MRPS21: variants seen among roughly 807,000 people sequenced by gnomAD.
MRPS21 encodes the protein mitochondrial ribosomal protein S21.
MRPS21 carries 8 observed loss-of-function variants against 9.9 expected under a neutral mutation model. The observed-to-expected ratio is 0.81, with a 90% confidence interval of 0.47 to 1.45. The LOEUF is 1.45. Among genes scored for constraint, MRPS21 ranks in the 40% most tolerant of loss-of-function variants. The pLI, the probability that MRPS21 is intolerant of heterozygous loss-of-function variation, is 0.00. For missense variants in MRPS21, 101 were observed against 118.9 expected (o/e 0.85, Z 0.70); for synonymous variants, 40 against 40.3 (o/e 0.99, Z 0.03).
intron 2 of MRPS21, among the ~76,000 whole-genome samples, chr1:150,295,672 C>CA (rs1491108910): frequency 3.3e-5 from 5 of 152,176 alleles, no homozygotes; most frequent in African/African-American, 1.2e-4. Context: ...TGGGATGACT[C>CA]ACACCTGTAA....
In MRPS21 at chr1:150,308,093, G is replaced by A. The variant is rs782133441; in HGVS notation, c.129G>A (p.Arg43=). The change falls in exon 3 of 3, where the codon CGG becomes CGA. Residue 43 remains arginine, a synonymous_variant. Transcript: ENST00000614145. Reference sequence around the variant, plus strand: ...TCATTGAGGACATTAAGCATCGGCGGTATTATGAGAAGCCATGCTGCCGGC... The same window carrying A: ...TCATTGAGGACATTAAGCATCGGCGATATTATGAGAAGCCATGCTGCCGGC... ...DGLIEDIKHR[R]YYEKPCCRRQ... 5.0e-6 allele frequency: 8 copies of A among 1,604,476 alleles called. No individual in the cohort carries two copies. The South Asian group carries it at 8.8e-5, about 18-fold the overall frequency.
intron 1 of MRPS21, 36 bp from the exon 2 acceptor site, chr1:150,294,295 CTCTT>C: frequency 7.2e-7 from 1 of 1,396,224 alleles, no homozygotes; most frequent in Non-Finnish European, 1.0e-6. Context: ...TGTTGCGTTT[CTCTT>C]TCTGCTTTCC....
chr1:150,304,616 G>C, intron 2 of MRPS21: 1 of 188,952 alleles, frequency 5.3e-6, no homozygotes. Flanking sequence ...TTAGCTGGGC[G>C]TGGTGGTGCG....
At chr1:150,294,278 T>G (rs1469569481) in intron 1 of MRPS21, 57 bp from the exon 2 acceptor site, 8 of 1,211,070 alleles carry the variant, frequency 6.6e-6, no homozygotes, top group Non-Finnish European at 9.7e-6. Context: ...CGGTGTAGTT[T>G]GTATTATGTT....
intron 2 of MRPS21, among the ~76,000 whole-genome samples, chr1:150,302,929 T>C (rs1226760662): frequency 6.6e-6 from 1 of 152,210 alleles, no homozygotes; most frequent in East Asian, 1.9e-4. Context: ...GTCTGTGTTT[T>C]GGAAGTAAGT....
chr1:150,301,791 G>C (rs1553857741), intron 2 of MRPS21, among the ~76,000 whole-genome samples: 1 of 151,864 alleles, frequency 6.6e-6, no homozygotes, highest in Non-Finnish European at 1.5e-5. Context: ...AGTAGAGACG[G>C]GGTTTCACGA....
intron 2 of MRPS21, among the ~76,000 whole-genome samples, chr1:150,298,909 C>G (rs587662026): frequency 2.0e-5 from 3 of 152,198 alleles, no homozygotes; most frequent in Admixed American, 2.0e-4. Context: ...TGAACCACTT[C>G]TTACAGTTGT....
chr1:150,302,921 C>T (rs1222615996), intron 2 of MRPS21, among the ~76,000 whole-genome samples: 2 of 152,092 alleles, frequency 1.3e-5, no homozygotes, highest in African/African-American at 4.8e-5. Context: ...TTTATTTGGT[C>T]TGTGTTTTGG....
At chr1:150,294,471 T>TC in intron 2 of MRPS21, 22 bp downstream of exon 2, 1 of 1,585,004 alleles carries the variant, frequency 6.3e-7, no homozygotes, top group South Asian at 1.1e-5. Context: ...GGGACCAGAA[T>TC]CATGCCTAGA....
At position 150,297,492 on chromosome 1, in the gene MRPS21, C is replaced by T. The variant is rs773320296; in HGVS notation, c.83+3043C>T. Among the ~76,000 whole-genome samples the T allele has an allele frequency of 1.7e-3, 254 of 151,948 alleles. 1 individual carries two copies. Among genetic ancestry groups the T allele is most frequent in the Non-Finnish European group, 2.1e-3 (143 of 67,968 alleles). On this transcript the variant is annotated intron_variant, in intron 2 of 2. Transcript: ENST00000614145. ...TTCAATACCAGCCTGGCCAACATAG[C>T]GAAACCCTGTCTCTACTAAAAATAC...
chr1:150,300,783 AC>A lies in MRPS21; in HGVS notation c.83+6336del, dbSNP rs375964994. ...TACCCTGGTTAAGAAGCACAGTATT[AC>A]CTTTTCTTCAGGGATTAAAACACCA... On this transcript the variant is annotated intron_variant, in intron 2 of 2. Transcript: ENST00000614145. 6.1e-4 allele frequency among the ~76,000 whole-genome samples: 93 copies of A among 152,320 alleles called. 2 individuals carry two copies. In the South Asian group the frequency reaches 0.018, roughly 30 times the overall value.
intron 2 of MRPS21, among the ~76,000 whole-genome samples, chr1:150,295,591 A>C (rs1452180698): frequency 1.3e-5 from 2 of 152,162 alleles, no homozygotes; most frequent in African/African-American, 4.8e-5. Context: ...GTGTGGGACA[A>C]AGCTAAAGGA....
intron 2 of MRPS21, among the ~76,000 whole-genome samples, chr1:150,295,970 T>TA (rs4059293): frequency 0.21 from 28,177 of 134,100 alleles, 3,018 homozygotes; most frequent in African/African-American, 0.24. Flanking sequence ...TTTTTTTTTT[T>TA]AAAACGGAGT....
Position 150,308,439 on chromosome 1 carries a change from T to C in MRPS21, c.*211T>C, listed in dbSNP as rs370328051. The C allele has an allele frequency of 3.2e-5, 15 of 475,394 alleles. No individual in the cohort carries two copies. In the South Asian group the frequency reaches 6.1e-4, roughly 19 times the overall value. The allele number at this position is 475,394 out of a possible 1,614,324, so 29.4% of individuals were successfully genotyped here. Reference sequence around the variant, plus strand: ...AAGAAGAAACTGAGTCTGAAAGTACTCTAGGAGTAGAATGGTATTTGCCAG... The same window carrying C: ...AAGAAGAAACTGAGTCTGAAAGTACCCTAGGAGTAGAATGGTATTTGCCAG... On this transcript the variant is annotated 3_prime_UTR_variant, in exon 3 of 3. Transcript: ENST00000614145.
chr1:150,296,045 G>A (rs1255682525), intron 2 of MRPS21, among the ~76,000 whole-genome samples: 2 of 151,482 alleles, frequency 1.3e-5, no homozygotes, highest in African/African-American at 4.9e-5. Context: ...TCCGCCTCCT[G>A]GGTTCAATTG....
Position 150,308,265 on chromosome 1 carries a change from C to G in MRPS21, c.*37C>G. 1 of 1,559,058 alleles carries G rather than the reference C, an allele frequency of 6.4e-7. No homozygotes were observed. ...GGGACACCCAGTGCGAAACCCTCATCCAGTTTTCTCTCCATCTCTTTTCTT... is the reference window on the plus strand; with the variant it reads ...GGGACACCCAGTGCGAAACCCTCATGCAGTTTTCTCTCCATCTCTTTTCTT... On this transcript the variant is annotated 3_prime_UTR_variant, in exon 3 of 3. Transcript: ENST00000614145.
At chr1:150,299,656 T>C (rs1225974288) in intron 2 of MRPS21, among the ~76,000 whole-genome samples, 2 of 152,092 alleles carry the variant, frequency 1.3e-5, no homozygotes, top group Admixed American at 6.6e-5. Flanking sequence ...GGTTTCACCA[T>C]GTTGGCCAGG....
At chr1:150,300,267 T>C (rs1654067949) in intron 2 of MRPS21, among the ~76,000 whole-genome samples, 2 of 151,784 alleles carry the variant, frequency 1.3e-5, no homozygotes, top group Admixed American at 6.6e-5. Context: ...CGCTTGAACC[T>C]GGGAGCTGGA....
Position 150,308,299 on chromosome 1 carries a change from C to A in MRPS21, c.*71C>A. ...TCTCCATCTCTTTTCTTTGTACAAT[C>A]CCATTTCCTATTACCATTCTCTGCA... is the stretch of plus-strand genomic sequence containing the variant. On this transcript the variant is annotated 3_prime_UTR_variant, in exon 3 of 3. Transcript: ENST00000614145. The A allele has an allele frequency of 1.4e-6, 2 of 1,453,642 alleles. No individual in the cohort carries two copies. Among genetic ancestry groups the A allele is most frequent in the Non-Finnish European group, 1.9e-6 (2 of 1,069,494 alleles). The allele number at this position is 1,453,642 out of a possible 1,614,324, so 90.0% of individuals were successfully genotyped here. A position where few individuals can be genotyped will look rare whatever the true frequency, so the allele number is the denominator to read the frequency against.
Sources: gnomAD v4.1 joint callset for allele counts (sites outside exome capture counted in the v4.1 genomes callset) on GRCh38, gnomAD v4.1.1 for gene constraint, MANE v1.5 for transcripts, NCBI Gene and HGNC (gene_info 2026-07-23, HGNC 2026-07-21) for gene names.